The following ERC2 variants were observed in gnomAD, a reference collection of about 807,000 sequenced individuals.
ERC2 encodes ERC protein 2.
ERC2 carries 42 observed loss-of-function variants against 114.8 expected under a neutral mutation model. The observed-to-expected ratio is 0.37, with a 90% CI of 0.29 to 0.47. The LOEUF is 0.47. Among genes scored for constraint, ERC2 ranks in the 20% least tolerant of loss-of-function variants. The pLI is 0.99. For missense variants in ERC2, 939 were observed against 1,150.7 expected (o/e 0.82, Z 2.66); for synonymous variants, 454 against 425.5 (o/e 1.07, Z -0.82).
intron 2 of ERC2, among the ~76,000 whole-genome samples, chr3:56,373,101 T>C (rs980147246): frequency 3.9e-5 from 6 of 152,250 alleles, no homozygotes; most frequent in African/African-American, 1.4e-4. Context: ...TGAATTAACT[T>C]TGCATCAGCA....
intron 14 of ERC2, among the ~76,000 whole-genome samples, chr3:55,801,525 G>C (rs1289073762): frequency 1.3e-5 from 2 of 151,924 alleles, no homozygotes; most frequent in East Asian, 3.9e-4. Flanking sequence ...TATTAATCCA[G>C]CTTAGTGTTA....
rs564017103 is a variant in ERC2, at chr3:56,164,303, CT to C, written c.1149+9142del. 1.9e-3 allele frequency among the ~76,000 whole-genome samples: 286 copies of C among 152,078 alleles called. 1 individual carries two copies. The highest frequency in any genetic ancestry group is 6.5e-3 in the African/African-American group (271 of 41,520). On this transcript the variant is annotated intron_variant, in intron 4 of 17. Coordinates refer to ENST00000288221, the MANE Select transcript of ERC2 (RefSeq NM_015576.3). ...GCAATCACTAATCTACTTTCTGTCC[CT>C]AATTTGCCTACACTGGACATTTAAT...
intron 17 of ERC2, among the ~76,000 whole-genome samples, chr3:55,603,499 G>GCACA (rs2058500944): frequency 4.3e-5 from 1 of 23,514 alleles, no homozygotes; most frequent in Non-Finnish European, 2.1e-4. Context: ...AGGCGTGGTG[G>GCACA]TGGACGCCTG....
chr3:56,087,478 C>T (rs1046654587), intron 6 of ERC2, among the ~76,000 whole-genome samples: 6 of 151,952 alleles, frequency 3.9e-5, no homozygotes, highest in Non-Finnish European at 5.9e-5. Flanking sequence ...ATTTTATGTG[C>T]GCCTTCAGAA....
At chr3:56,422,621 T>C (rs1559481235) in intron 2 of ERC2, among the ~76,000 whole-genome samples, 1 of 152,202 alleles carries the variant, frequency 6.6e-6, no homozygotes, top group Admixed American at 6.5e-5. Flanking sequence ...AGGCAACACA[T>C]TGCTTACTCC....
At chr3:56,077,048 C>A (rs2077009522) in intron 7 of ERC2, among the ~76,000 whole-genome samples, 2 of 152,168 alleles carry the variant, frequency 1.3e-5, no homozygotes, top group Admixed American at 6.5e-5. Flanking sequence ...CCAACACACC[C>A]TAATCCAAAG....
intron 13 of ERC2, among the ~76,000 whole-genome samples, chr3:55,927,742 G>A (rs760530741): frequency 1.3e-5 from 2 of 151,072 alleles, no homozygotes; most frequent in African/African-American, 2.4e-5. Flanking sequence ...CCCACTCCCC[G>A]ACTCCAACCC....
chr3:55,549,142 G>C (rs902031565), intron 17 of ERC2, among the ~76,000 whole-genome samples: 1 of 152,148 alleles, frequency 6.6e-6, no homozygotes, highest in Non-Finnish European at 1.5e-5. Context: ...GGCTGCATAA[G>C]ACAGGAGTTA....
intron 2 of ERC2, among the ~76,000 whole-genome samples, chr3:56,352,103 G>A (rs935471100): frequency 2.0e-5 from 3 of 152,166 alleles, no homozygotes; most frequent in Non-Finnish European, 2.9e-5. Context: ...GAAAGGAATG[G>A]AAAGCCATTC....
At chr3:56,078,447 C>T (rs2149750277) in intron 7 of ERC2, among the ~76,000 whole-genome samples, 1 of 152,236 alleles carries the variant, frequency 6.6e-6, no homozygotes, top group African/African-American at 2.4e-5. Context: ...GACTCACTGG[C>T]TCTCAGAGTT....
intron 12 of ERC2, among the ~76,000 whole-genome samples, chr3:55,979,962 T>C (rs79710341): frequency 6.7e-6 from 1 of 149,658 alleles, no homozygotes; most frequent in South Asian, 2.1e-4. Context: ...TTTTTTCTTT[T>C]TTTTTTTTTT....
chr3:55,719,704 C>T (rs976032654), intron 15 of ERC2, among the ~76,000 whole-genome samples: 1 of 152,022 alleles, frequency 6.6e-6, no homozygotes, highest in Non-Finnish European at 1.5e-5. Context: ...ATTGCTCTTC[C>T]CCCACCAATA....
chr3:56,465,770 AAC>A (rs1192982529), intron 1 of ERC2, among the ~76,000 whole-genome samples: 3 of 152,292 alleles, frequency 2.0e-5, no homozygotes, highest in African/African-American at 7.2e-5. Context: ...ATATATAATA[AAC>A]AGAGTTACTA....
intron 2 of ERC2, among the ~76,000 whole-genome samples, chr3:56,313,001 C>CATATATATATAT (rs3055903): frequency 0.043 from 1,888 of 43,802 alleles, 363 homozygotes; most frequent in Middle Eastern, 0.058. Context: ...TATGTATATT[C>CATATATATATAT]ATATATATAT....
chr3:56,318,961 CAAAAAAAAAA>C (rs35256298), intron 2 of ERC2, among the ~76,000 whole-genome samples: 1 of 81,592 alleles, frequency 1.2e-5, no homozygotes, highest in Non-Finnish European at 2.4e-5. Flanking sequence ...GACCCTGTCT[CAAAAAAAAAA>C]AAAAAAAAAA....
At chr3:55,607,961 C>G (rs1239951863) in intron 17 of ERC2, 2 of 152,060 alleles carry the variant, frequency 1.3e-5, no homozygotes, top group South Asian at 2.1e-4. Context: ...GCTTATGAAG[C>G]CAATCTTGTC....
intron 5 of ERC2, among the ~76,000 whole-genome samples, chr3:56,143,092 A>G (rs994872652): frequency 6.6e-6 from 1 of 152,158 alleles, no homozygotes; most frequent in Non-Finnish European, 1.5e-5. Context: ...TCTTCCCTGG[A>G]GTCCCCTAGT....
At chr3:56,134,926 T>C (rs1274832184) in intron 6 of ERC2, among the ~76,000 whole-genome samples, 1 of 129,302 alleles carries the variant, frequency 7.7e-6, no homozygotes, top group Non-Finnish European at 1.6e-5. Context: ...TTTTGTTTTT[T>C]TTTGTTTTTG....
chr3:55,610,076 A>C (rs1247178187), intron 17 of ERC2, among the ~76,000 whole-genome samples: 15 of 151,856 alleles, frequency 9.9e-5, no homozygotes, highest in African/African-American at 3.1e-4. Context: ...AAAAAAAAAA[A>C]AAAAAAAACA....
Sources: gnomAD v4.1 joint callset for allele counts (sites outside exome capture counted in the v4.1 genomes callset) on GRCh38, gnomAD v4.1.1 for gene constraint, MANE v1.5 for transcripts, NCBI Gene and HGNC (gene_info 2026-07-23, HGNC 2026-07-21) for gene names.